Variants in CSMD1 observed in about 807,000 individuals in gnomAD.
CSMD1 encodes CUB and Sushi multiple domains 1, also known as CUB and sushi domain-containing protein 1.
CSMD1 carries 213 observed loss-of-function variants against 417.5 expected under a neutral mutation model. The observed-to-expected ratio is 0.51, with a 90% CI of 0.46 to 0.57. CSMD1 has a LOEUF of 0.57. Among genes scored for constraint, CSMD1 ranks in the 20% least tolerant of loss-of-function variants. The pLI is 0.00. For synonymous variants in CSMD1, 2,862 were observed against 1,736.8 expected (o/e 1.65, Z -16.11); for missense variants, 6,923 against 4,529.7 (o/e 1.53, Z -15.17).
chr8:4,272,326 C>A (rs958868650), intron 3 of CSMD1, among the ~76,000 whole-genome samples: 1 of 152,116 alleles, frequency 6.6e-6, no homozygotes, highest in Non-Finnish European at 1.5e-5. Context: ...AACAAAACTA[C>A]ATTGAACAAA....
At chr8:4,603,257 T>G (rs1212665475) in intron 2 of CSMD1, among the ~76,000 whole-genome samples, 2 of 152,046 alleles carry the variant, frequency 1.3e-5, no homozygotes, top group Admixed American at 6.6e-5. Flanking sequence ...CTGCTGCAAA[T>G]TTTTCATACT....
intron 1 of CSMD1, among the ~76,000 whole-genome samples, chr8:4,749,369 T>C (rs911258375): frequency 2.6e-5 from 4 of 152,258 alleles, no homozygotes; most frequent in Non-Finnish European, 5.9e-5. Context: ...TTCAGCATAG[T>C]TGCTAAGCGG....
At chr8:4,837,256 C>A (rs189533149) in intron 1 of CSMD1, among the ~76,000 whole-genome samples, 7 of 149,900 alleles carry the variant, frequency 4.7e-5, no homozygotes, top group South Asian at 2.1e-4. Flanking sequence ...CATATACCCC[C>A]CAAAAAAGGA....
At chr8:3,952,774 A>T (rs1475367438) in intron 5 of CSMD1, among the ~76,000 whole-genome samples, 1 of 152,228 alleles carries the variant, frequency 6.6e-6, no homozygotes, top group African/African-American at 2.4e-5. Context: ...TTCAATAAAA[A>T]CAAAAGAAGT....
intron 10 of CSMD1, among the ~76,000 whole-genome samples, chr8:3,524,833 G>A (rs147567385): frequency 6.6e-6 from 1 of 150,528 alleles, no homozygotes; most frequent in Non-Finnish European, 1.5e-5. Context: ...TGCACACACA[G>A]AGCCTTTACA....
chr8:3,832,412 A>T (rs766046403), intron 5 of CSMD1, among the ~76,000 whole-genome samples: 8 of 152,144 alleles, frequency 5.3e-5, no homozygotes, highest in Non-Finnish European at 4.4e-5. Context: ...TTAAACTACT[A>T]TATTTCTCTG....
At chr8:3,830,714 C>G (rs966614832) in intron 5 of CSMD1, among the ~76,000 whole-genome samples, 1 of 152,132 alleles carries the variant, frequency 6.6e-6, no homozygotes, top group Non-Finnish European at 1.5e-5. Flanking sequence ...CCCAGACCTG[C>G]TGAACTTTGT....
At chr8:3,546,675 T>C (rs559560763) in intron 10 of CSMD1, among the ~76,000 whole-genome samples, 22 of 152,254 alleles carry the variant, frequency 1.4e-4, no homozygotes, top group South Asian at 1.0e-3. Flanking sequence ...TGGGTAAAGA[T>C]TGTATAAACA....
At chr8:4,188,401 T>C (rs929416440) in intron 3 of CSMD1, among the ~76,000 whole-genome samples, 2 of 152,174 alleles carry the variant, frequency 1.3e-5, no homozygotes, top group East Asian at 3.9e-4. Flanking sequence ...GAAACATTCG[T>C]ATATTGCCTC....
intron 3 of CSMD1, among the ~76,000 whole-genome samples, chr8:4,068,875 C>A (rs1799397717): frequency 6.6e-6 from 1 of 152,020 alleles, no homozygotes; most frequent in Admixed American, 6.5e-5. Flanking sequence ...TTAGGCACTG[C>A]ATTATGTATG....
chr8:3,807,880 A>G (rs894004239), intron 5 of CSMD1, among the ~76,000 whole-genome samples: 2 of 152,198 alleles, frequency 1.3e-5, no homozygotes, highest in Non-Finnish European at 2.9e-5. Context: ...TAAGTACAAA[A>G]GCAATCCCCT....
intron 50 of CSMD1, among the ~76,000 whole-genome samples, chr8:3,038,882 T>A (rs77922526): frequency 6.6e-6 from 1 of 152,142 alleles, no homozygotes; most frequent in Non-Finnish European, 1.5e-5. Flanking sequence ...CAGAGCCACA[T>A]AGAGGCTTAA....
chr8:4,798,169 C>G lies in CSMD1; in HGVS notation c.86-160611G>C, dbSNP rs540811144. 1.4e-4 allele frequency among the ~76,000 whole-genome samples: 22 copies of G among 152,312 alleles called. No homozygotes were observed. In the East Asian group the frequency reaches 4.2e-3, roughly 29 times the overall value. On this transcript the variant is annotated intron_variant, in intron 1 of 69. Transcript: ENST00000635120. ...TAATGCTATCCCTCCCCACTTCCCC[C>G]ACCCAATGACAGGCCCCGGTGTGTG...
At chr8:4,117,655 G>A (rs1461896286) in intron 3 of CSMD1, among the ~76,000 whole-genome samples, 1 of 152,160 alleles carries the variant, frequency 6.6e-6, no homozygotes, top group Non-Finnish European at 1.5e-5. Context: ...CCGCACTTCT[G>A]GGTGCCAAAT....
At chr8:4,934,352 A>G (rs1807457464) in intron 1 of CSMD1, among the ~76,000 whole-genome samples, 1 of 152,214 alleles carries the variant, frequency 6.6e-6, no homozygotes, top group South Asian at 2.1e-4. Context: ...ATTCAAAATT[A>G]TTTGTATAGA....
At chr8:3,808,733 T>C (rs1800892004) in intron 5 of CSMD1, among the ~76,000 whole-genome samples, 1 of 152,218 alleles carries the variant, frequency 6.6e-6, no homozygotes, top group Non-Finnish European at 1.5e-5. Context: ...ACTCTCTCTC[T>C]TTCCTAGCAT....
chr8:3,201,699 G>T lies in CSMD1; in HGVS notation c.5011C>A (p.Gln1671Lys). Residue 1671 changes from glutamine to lysine, a missense_variant, in exon 32 of 70, where the codon CAG becomes AAG. Coordinates refer to ENST00000635120, the MANE Select transcript of CSMD1 (RefSeq NM_033225.6). ...FVVFGQFAYF[Q>K]TALNDLAELF... ...TCTGCCAAATCATTCAGGGCTGTCT[G>T]GAAATAGGCAAACTGTCCAAAGACC... 6.2e-7 allele frequency: 1 copy of T among 1,602,564 alleles called. No individual in the cohort carries two copies. Among genetic ancestry groups the T allele is most frequent in the Non-Finnish European group, 8.5e-7 (1 of 1,174,228 alleles).
intron 3 of CSMD1, among the ~76,000 whole-genome samples, chr8:4,360,657 A>AT (rs571660773): frequency 0.011 from 1,642 of 149,812 alleles, 19 homozygotes; most frequent in African/African-American, 0.033. Context: ...CACCTGGCTA[A>AT]TTTTTTTTTT....
chr8:4,362,300 G>A (rs1426945527), intron 3 of CSMD1, among the ~76,000 whole-genome samples: 1 of 152,094 alleles, frequency 6.6e-6, no homozygotes, highest in African/African-American at 2.4e-5. Context: ...TCCTTCAGGT[G>A]GACTCCTTGG....
Sources: allele counts gnomAD v4.1 joint callset (sites outside exome capture counted in the v4.1 genomes callset), GRCh38; gene constraint gnomAD v4.1.1; transcripts MANE v1.5; gene names NCBI Gene and HGNC (gene_info 2026-07-23, HGNC 2026-07-21).